PCGF1: variants seen among roughly 807,000 people sequenced by gnomAD.
PCGF1 encodes polycomb group RING finger protein 1.
A neutral mutation model predicts 38.8 loss-of-function variants in PCGF1; 10 were observed. The ratio of observed to expected loss-of-function variants is 0.26; its 90% confidence interval spans 0.16 to 0.44. The LOEUF (loss-of-function observed/expected upper bound fraction) is 0.44. Ranked by LOEUF, PCGF1 falls within the 20% of genes least tolerant of loss-of-function variation. PCGF1 has a pLI of 1.00. For missense variants in PCGF1, 230 were observed against 331.5 expected, an observed-to-expected ratio of 0.69 and a Z score of 2.38; for synonymous variants, 119 against 121.3, an observed-to-expected ratio of 0.98 and a Z score of 0.12.
At position 74,505,538 on chromosome 2, in the gene PCGF1, G is replaced by A. The variant is rs1486652921; in HGVS notation, c.651+14C>T. 6 of 1,613,912 alleles carry A rather than the reference G, an allele frequency of 3.7e-6. No homozygotes were observed. The Admixed American group carries it at 6.7e-5, about 18-fold the overall frequency. On this transcript the variant is annotated intron_variant, in intron 7 of 8. Coordinates refer to ENST00000233630, the MANE Select transcript of PCGF1 (RefSeq NM_032673.3). ...CCTTCTCCCCCTCAAGAAACCTACTGTGGGACTACTCACATGCTGAGGGTT... is the reference window on the plus strand; with the variant it reads ...CCTTCTCCCCCTCAAGAAACCTACTATGGGACTACTCACATGCTGAGGGTT...
rs1572977444 is a variant in PCGF1 at position 74,506,726 on chromosome 2, A to C, written c.352+6T>G. The C allele has an allele frequency of 6.2e-7, 1 of 1,613,208 alleles. No individual in the cohort carries two copies. Among genetic ancestry groups the C allele is most frequent in the Non-Finnish European group, 8.5e-7 (1 of 1,179,812 alleles). ...GAGGCCCCTCAAAGTCAGGTTGGTG[A>C]CTCACTGTCTTGCAAGCCAGGCACC... On this transcript the variant is annotated splice_donor_region_variant and intron_variant, in intron 3 of 8. Coordinates refer to ENST00000233630, the MANE Select transcript of PCGF1 (RefSeq NM_032673.3).
chr2:74,505,831 C>T, intron 5 of PCGF1, 61 bp from the exon 6 acceptor site: 2 of 1,609,074 alleles, frequency 1.2e-6, no homozygotes, highest in Non-Finnish European at 1.7e-6. Context: ...CCACCCAGAG[C>T]CATGATATAC....
chr2:74,506,907 T>G (rs376945133), intron 2 of PCGF1, 23 bp from the exon 3 acceptor site: 99 of 1,613,796 alleles, frequency 6.1e-5, no homozygotes, highest in Non-Finnish European at 8.1e-5. Context: ...AAAAGCAGAT[T>G]CTCAGGCCCT....
In PCGF1 at chr2:74,505,593, G is replaced by A; in HGVS notation, c.610C>T (p.Arg204Trp). The A allele has an allele frequency of 1.2e-6, 2 of 1,614,098 alleles. No individual in the cohort carries two copies. The highest frequency in any genetic ancestry group is 1.7e-6 in the Non-Finnish European group (2 of 1,180,020). ...ATCAAGCGGTGACACAGGACCCTCC[G>A]GAGATGGCGTACCTCAGCTCTAACA... ...CSVRAEVRHL[R>W]RVLCHRLMLN... The change falls in exon 7 of 9, where the codon CGG becomes TGG. Residue 204 changes from arginine (R) to tryptophan (W), a missense_variant. Transcript: ENST00000233630.
At chr2:74,506,918 C>A in intron 2 of PCGF1, 34 bp from the exon 3 acceptor site, 1 of 1,613,726 alleles carries the variant, frequency 6.2e-7, no homozygotes, top group Non-Finnish European at 8.5e-7. Flanking sequence ...CTCAGGCCCT[C>A]TGGAAACTGG....
rs1172231056 is a variant in PCGF1, at chr2:74,505,664, G to A, written c.565-26C>T. On this transcript the variant is annotated intron_variant, in intron 6 of 8. Coordinates refer to ENST00000233630, the MANE Select transcript of PCGF1 (RefSeq NM_032673.3). The stretch of plus-strand genomic sequence containing the variant: ...CTGGGAGCAGGGAGGGGAGGGAAGA[G>A]GGCAAGGTGTGTGAGGGAAGGACCA... 6.6e-5 allele frequency: 106 copies of A among 1,614,006 alleles called. 2 individuals carry two copies. In the Admixed American group the frequency reaches 1.8e-3, roughly 27 times the overall value.
Position 74,507,054 on chromosome 2 carries a change from ACT to A in PCGF1, c.185_186del (p.Glu62ValfsTer17). On this transcript the variant is annotated frameshift_variant, in exon 2 of 9. Transcript: ENST00000233630. LOFTEE classifies it high-confidence loss of function. Reference protein sequence around the residue: ...GYFVDATTITECLHTFCKSCI... With the variant: ...GYFVDATTITXCLHTFCKSCI... ...CCAAGGCACTCACAAGTATGAAGAC[ACT>A]CTGTGATGGTGGTGGCATCCACGAA... 1.2e-6 allele frequency: 2 copies of A among 1,613,758 alleles called. No individual in the cohort carries two copies. The highest frequency in any genetic ancestry group is 1.7e-6 in the Non-Finnish European group (2 of 1,179,648).
intron 3 of PCGF1, 141 bp from the exon 4 acceptor site, chr2:74,506,393 T>A: frequency 1.3e-6 from 1 of 765,294 alleles, no homozygotes; most frequent in Non-Finnish European, 2.2e-6. Context: ...CTGGCTAACA[T>A]GGTGAAACCC....
chr2:74,505,815 T>G, intron 5 of PCGF1, 45 bp from the exon 6 acceptor site: 1 of 1,612,520 alleles, frequency 6.2e-7, no homozygotes, highest in Non-Finnish European at 8.5e-7. Flanking sequence ...TCTTTCCTCC[T>G]CTTCCCCACC....
Position 74,507,626 on chromosome 2 carries a change from G to A in PCGF1, c.43C>T (p.Leu15Phe), listed in dbSNP as rs1674673303. 6.3e-7 allele frequency: 1 copy of A among 1,582,810 alleles called. No individual in the cohort carries two copies. Among genetic ancestry groups the A allele is most frequent in the Non-Finnish European group, 8.6e-7 (1 of 1,164,898 alleles). Residue 15 changes from leucine (L) to phenylalanine (F), a missense_variant, in exon 1 of 9, where the codon CTT becomes TTT. Leu to Phe is a conservative substitution (Grantham distance 22). Coordinates refer to ENST00000233630, the MANE Select transcript of PCGF1 (RefSeq NM_032673.3). ...TACACTGACTGGAGCTGGTTCCGAA[G>A]CCTCATCGCGATCGCAATCTGGCCC... ...QGGQIAIAMR[L>F]RNQLQSVYKM...
chr2:74,505,169 A>G lies in PCGF1; in HGVS notation c.754T>C (p.Tyr252His). The change falls in exon 9 of 9, where the codon TAC (tyrosine) becomes CAC (histidine). Residue 252 changes from tyrosine (Y) to histidine (H), a missense_variant. Tyr to His is a moderately conservative substitution (Grantham distance 83). Around this residue, in one of 3 missense-constraint regions of PCGF1, gnomAD observed 144 missense variants for 182.4 expected, o/e 0.79. Transcript: ENST00000233630. Reference protein sequence around the residue: ...FGKPSPLLLQYSVKEKRR With the variant: ...FGKPSPLLLQHSVKEKRR ...TACCTCCTCTTCTCTTTCACACTGT[A>G]TTGTAAAAGCAAAGGGGATGGCTAA... 6.5e-7 allele frequency: 1 copy of G among 1,543,654 alleles called. No homozygotes were observed. Among genetic ancestry groups the G allele is most frequent in the Non-Finnish European group, 8.7e-7 (1 of 1,144,964 alleles).
chr2:74,507,031 A>G lies in PCGF1; in HGVS notation c.199+11T>C, dbSNP rs774859081. The G allele has an allele frequency of 4.3e-6, 7 of 1,612,488 alleles. No homozygotes were observed. The highest frequency in any genetic ancestry group is 5.1e-6 in the Non-Finnish European group (6 of 1,178,572). The stretch of plus-strand genomic sequence containing the variant: ...GGACTGGAAGAACTAGGCAGTCTCC[A>G]AGGCACTCACAAGTATGAAGACACT... On this transcript the variant is annotated intron_variant, in intron 2 of 8. Coordinates refer to ENST00000233630, the MANE Select transcript of PCGF1 (RefSeq NM_032673.3).
intron 7 of PCGF1, 56 bp from the exon 8 acceptor site, chr2:74,505,475 C>T (rs1674607155): frequency 6.2e-7 from 1 of 1,608,314 alleles, no homozygotes; most frequent in Non-Finnish European, 8.5e-7. Flanking sequence ...CAAAAACTAC[C>T]CTGGTCCACC....
At chr2:74,505,907 G>A (rs370764527) in intron 5 of PCGF1, 45 bp downstream of exon 5, 2 of 1,608,670 alleles carry the variant, frequency 1.2e-6, no homozygotes, top group African/African-American at 1.3e-5. Flanking sequence ...CTGGCTCTGG[G>A]TCATTGGCAC....
intron 1 of PCGF1, 34 bp from the exon 2 acceptor site, chr2:74,507,181 C>T (rs1284853969): frequency 6.2e-7 from 1 of 1,600,434 alleles, no homozygotes; most frequent in Non-Finnish European, 8.5e-7. Flanking sequence ...AATCATCCAC[C>T]CTCAAACCCC....
chr2:74,505,781 A>G lies in PCGF1; in HGVS notation c.531-11T>C. 1 of 1,614,072 alleles carries G rather than the reference A, an allele frequency of 6.2e-7. No individual in the cohort carries two copies. The highest frequency in any genetic ancestry group is 8.5e-7 in the Non-Finnish European group (1 of 1,179,974). ...TTGTCTTTGCCAGAACTGGGGGGAA[A>G]TAGACACAGGTTAGGGAATCCTATC... On this transcript the variant is annotated splice_polypyrimidine_tract_variant and intron_variant, in intron 5 of 8. Transcript: ENST00000233630.
Position 74,507,088 on chromosome 2 carries a change from G to T in PCGF1, c.153C>A (p.Ala51=). 1 of 1,614,236 alleles carries T rather than the reference G, an allele frequency of 6.2e-7. No individual in the cohort carries two copies. Among genetic ancestry groups the T allele is most frequent in the Non-Finnish European group, 8.5e-7 (1 of 1,180,040 alleles). The change falls in exon 2 of 9, where the codon GCC becomes GCA. Residue 51 remains alanine (A), a synonymous_variant. Coordinates refer to ENST00000233630, the MANE Select transcript of PCGF1 (RefSeq NM_032673.3). ...TGGTGGTGGCATCCACGAAGTAGCC[G>T]GCGCATAGGCAGCAAACAATGTGTT... is the stretch of plus-strand genomic sequence containing the variant. ...LNEHIVCCLC[A]GYFVDATTIT... is the part of the protein sequence containing the mutation.
At chr2:74,507,256 C>T in intron 1 of PCGF1, 109 bp from the exon 2 acceptor site, 1 of 1,488,506 alleles carries the variant, frequency 6.7e-7, no homozygotes, top group Non-Finnish European at 9.0e-7. Context: ...AAGCCCCGCG[C>T]CCTGCGCCAT....
intron 8 of PCGF1, 34 bp downstream of exon 8, chr2:74,505,305 G>A (rs372094024): frequency 1.3e-6 from 2 of 1,592,036 alleles, no homozygotes. Context: ...GAGTCTGAAG[G>A]GGGTGTGATC....
Sources: gnomAD v4.1 joint callset for allele counts on GRCh38, gnomAD v4.1.1 for gene constraint, gnomAD v4.1.1 regional missense constraint, MANE v1.5 for transcripts, NCBI Gene and HGNC (gene_info 2026-07-23, HGNC 2026-07-21) for gene names.